FYN: variants seen among roughly 807,000 people sequenced by gnomAD.
FYN encodes tyrosine-protein kinase Fyn.
A neutral mutation model predicts 70.2 loss-of-function variants in FYN; 10 were observed. That is an observed-to-expected ratio of 0.14 (90% CI 0.09 to 0.24). FYN has a LOEUF of 0.24. Among genes scored for constraint, FYN ranks in the 10% least tolerant of loss-of-function variants. The pLI is 1.00. For synonymous variants in FYN, 236 were observed against 248.6 expected (o/e 0.95, Z 0.48); for missense variants, 319 against 673.1 (o/e 0.47, Z 5.82).
At chr6:111,692,790 TA>T (rs1249202394) in intron 12 of FYN, among the ~76,000 whole-genome samples, 1 of 152,218 alleles carries the variant, frequency 6.6e-6, no homozygotes, top group Non-Finnish European at 1.5e-5. Flanking sequence ...TGCCTCAGGA[TA>T]AAGTCCCTCA....
intron 2 of FYN, among the ~76,000 whole-genome samples, chr6:111,793,434 C>T (rs1771697582): frequency 6.6e-6 from 1 of 152,028 alleles, no homozygotes; most frequent in Non-Finnish European, 1.5e-5. Flanking sequence ...TGAGAAAGCC[C>T]TTGGGATAAA....
chr6:111,859,902 G>C (rs922316809), intron 1 of FYN, among the ~76,000 whole-genome samples: 3 of 152,180 alleles, frequency 2.0e-5, no homozygotes, highest in Admixed American at 1.3e-4. Context: ...TCCCATATTA[G>C]GGCTGGCCCT....
chr6:111,850,034 G>A (rs1297241042), intron 1 of FYN, among the ~76,000 whole-genome samples: 1 of 152,198 alleles, frequency 6.6e-6, no homozygotes, highest in Non-Finnish European at 1.5e-5. Context: ...GGTGAAGAGG[G>A]GAGGTGACAG....
intron 3 of FYN, among the ~76,000 whole-genome samples, chr6:111,721,930 C>A (rs1726113): frequency 0.39 from 59,280 of 151,986 alleles, 16,392 homozygotes; most frequent in African/African-American, 0.78. Flanking sequence ...GAAACACATG[C>A]CATCATGTGT....
rs776994144 is a variant in FYN at position 111,779,120 on chromosome 6, C to CTTTTTTTT, written c.-12+1445_-12+1446insAAAAAAAA. 7.1e-5 allele frequency among the ~76,000 whole-genome samples: 8 copies of CTTTTTTTT among 112,506 alleles called. 1 individual carries two copies. Among genetic ancestry groups the CTTTTTTTT allele is most frequent in the South Asian group, 3.1e-4 (1 of 3,204 alleles). 73.8% of individuals were successfully genotyped at this position (112,506 alleles called of 152,430 possible). On this transcript the variant is annotated intron_variant, in intron 3 of 13. Coordinates refer to ENST00000354650, the MANE Select transcript of FYN (RefSeq NM_002037.5). ...TCCCTTGTCAGGGATCAGTAGGAGA[C>CTTTTTTTT]ATTTTTTTTTTTTTTTTTTTTTTTT... is the stretch of plus-strand genomic sequence containing the variant.
At chr6:111,872,796 G>C (rs1774322888) in intron 1 of FYN, among the ~76,000 whole-genome samples, 172 bp downstream of exon 1, 1 of 151,674 alleles carries the variant, frequency 6.6e-6, no homozygotes, top group African/African-American at 2.4e-5. Flanking sequence ...CGGTGCAACC[G>C]CGGGAAGACC....
At chr6:111,673,465 C>G (rs1027700009) in intron 13 of FYN, among the ~76,000 whole-genome samples, 2 of 152,108 alleles carry the variant, frequency 1.3e-5, no homozygotes, top group Admixed American at 1.3e-4. Flanking sequence ...TCTCTGTGTT[C>G]TCTGAAGATG....
chr6:111,846,557 A>ACTT (rs1773532842), intron 2 of FYN, 32 bp downstream of exon 2: 4 of 398,988 alleles, frequency 1.0e-5, no homozygotes, highest in Middle Eastern at 6.3e-4. Context: ...TTCACAAGGC[A>ACTT]CTTGCTCTCA....
At chr6:111,773,627 A>AGAGGG (rs1803585943) in intron 3 of FYN, among the ~76,000 whole-genome samples, 1 of 13,998 alleles carries the variant, frequency 7.1e-5, no homozygotes, top group African/African-American at 5.0e-4. Context: ...AGAGGGGGAA[A>AGAGGG]GGAGAGGGGG....
At chr6:111,665,522 T>C (rs1797954467) in intron 13 of FYN, among the ~76,000 whole-genome samples, 7 of 152,154 alleles carry the variant, frequency 4.6e-5, no homozygotes. Flanking sequence ...TGAAGGATAG[T>C]GAATAGGAAG....
At chr6:111,793,640 G>A (rs1771706331) in intron 2 of FYN, 1 of 152,124 alleles carries the variant, frequency 6.6e-6, no homozygotes, top group South Asian at 2.1e-4. Context: ...AATTTCTGGG[G>A]CTCTTTAGAT....
At chr6:111,807,031 G>A (rs1027015012) in intron 2 of FYN, among the ~76,000 whole-genome samples, 3 of 152,132 alleles carry the variant, frequency 2.0e-5, no homozygotes, top group South Asian at 2.1e-4. Flanking sequence ...CTGATTTCAC[G>A]TTTCCCTTGG....
chr6:111,763,591 A>G (rs1037087630), intron 3 of FYN, among the ~76,000 whole-genome samples: 4 of 152,218 alleles, frequency 2.6e-5, no homozygotes, highest in Admixed American at 1.3e-4. Context: ...TTTCAAACAT[A>G]GTTTTCATAA....
chr6:111,666,809 G>C (rs1425274290), intron 13 of FYN, among the ~76,000 whole-genome samples: 1 of 152,134 alleles, frequency 6.6e-6, no homozygotes, highest in African/African-American at 2.4e-5. Flanking sequence ...CTCCAGCCTG[G>C]GTGACAGAGC....
intron 13 of FYN, among the ~76,000 whole-genome samples, chr6:111,668,294 G>A (rs531337648): frequency 6.6e-6 from 1 of 152,312 alleles, no homozygotes; most frequent in South Asian, 2.1e-4. Flanking sequence ...GAGTGTGGAT[G>A]AGAATAAAGA....
At chr6:111,706,644 G>T (rs1800105819) in intron 6 of FYN, among the ~76,000 whole-genome samples, 1 of 152,110 alleles carries the variant, frequency 6.6e-6, no homozygotes, top group Non-Finnish European at 1.5e-5. Flanking sequence ...TTAAGATAAT[G>T]ATAGTTAATT....
rs748744748 is a variant in FYN at position 111,694,347 on chromosome 6, C to G, written c.1273+28G>C. On this transcript the variant is annotated intron_variant, in intron 12 of 13. Coordinates refer to ENST00000354650, the MANE Select transcript of FYN (RefSeq NM_002037.5). The surrounding 1 kb of genome is among the most constrained non-coding windows in gnomAD (Gnocchi z 5.0). ...AAGTGACTGTTCTCACAGCTGTGAT[C>G]ACGAGCCATTGTCATTCAAGTGCCC... is the stretch of plus-strand genomic sequence containing the variant. 6.2e-7 allele frequency: 1 copy of G among 1,612,878 alleles called. No individual in the cohort carries two copies. The highest frequency in any genetic ancestry group is 1.1e-5 in the South Asian group (1 of 90,894).
chr6:111,851,184 G>A (rs900820793), intron 1 of FYN, among the ~76,000 whole-genome samples: 9 of 152,202 alleles, frequency 5.9e-5, no homozygotes, highest in Non-Finnish European at 1.3e-4. Context: ...AGAGGTGGCT[G>A]GGGAAGGCCC....
chr6:111,702,773 T>G (rs1011447623), intron 8 of FYN, 112 bp downstream of exon 8: 2 of 1,051,268 alleles, frequency 1.9e-6, no homozygotes, highest in African/African-American at 3.2e-5. Context: ...GAAAACATAC[T>G]CTATAAGTGA....
Sources: gnomAD v4.1 joint callset for allele counts (sites outside exome capture counted in the v4.1 genomes callset) on GRCh38, gnomAD v4.1.1 for gene constraint, Gnocchi (gnomAD v3.1) non-coding constraint, MANE v1.5 for transcripts, NCBI Gene and HGNC (gene_info 2026-07-23, HGNC 2026-07-21) for gene names.